PALLD: variants seen among roughly 807,000 people sequenced by gnomAD.
PALLD encodes the protein palladin.
A neutral mutation model predicts 123.5 loss-of-function variants in PALLD; 61 were observed. That is an observed-to-expected ratio of 0.49 (90% CI 0.40 to 0.61). The LOEUF (loss-of-function observed/expected upper bound fraction) is 0.61. PALLD is among the 20% of genes least tolerant of loss of function. The probability of loss-of-function intolerance (pLI) is 0.00; values close to 1 mark genes in which losing one functional copy is unlikely to be tolerated. For missense variants in PALLD, 1,273 were observed against 1,377.0 expected, an observed-to-expected ratio of 0.92 and a Z score of 1.20; for synonymous variants, 465 against 496.4, an observed-to-expected ratio of 0.94 and a Z score of 0.84.
chr4:168,865,268 CTCTT>C (rs1396194981), intron 10 of PALLD, among the ~76,000 whole-genome samples: 1 of 152,228 alleles, frequency 6.6e-6, no homozygotes, highest in Non-Finnish European at 1.5e-5. Context: ...GGTCACAAGT[CTCTT>C]AATTCATGCT....
At chr4:168,597,321 A>G (rs1772093399) in intron 2 of PALLD, among the ~76,000 whole-genome samples, 2 of 152,078 alleles carry the variant, frequency 1.3e-5, no homozygotes, top group Non-Finnish European at 2.9e-5. Context: ...AAATTCAGGG[A>G]TGGATCCACA....
chr4:168,884,901 A>G lies in PALLD; in HGVS notation c.1965-6021A>G, dbSNP rs547613081. ...GCGCTGTTCTAAGTGTTTAGTACAC[A>G]TTAGTTCATGTAGTTTACCCAGTGA... On this transcript the variant is annotated intron_variant, in intron 10 of 21. Coordinates refer to ENST00000505667, the MANE Select transcript of PALLD (RefSeq NM_001166108.2). 6.0e-4 allele frequency among the ~76,000 whole-genome samples: 92 copies of G among 152,340 alleles called. 2 individuals carry two copies. The South Asian group carries it at 0.018, about 30-fold the overall frequency.
chr4:168,829,246 AC>A (rs1743854134), intron 10 of PALLD: 2 of 152,262 alleles, frequency 1.3e-5, no homozygotes, highest in East Asian at 3.9e-4. Flanking sequence ...AAACTGGTCC[AC>A]GTGTACGCAT....
At chr4:168,640,941 G>A (rs946160338) in intron 2 of PALLD, among the ~76,000 whole-genome samples, 5 of 152,164 alleles carry the variant, frequency 3.3e-5, no homozygotes, top group African/African-American at 1.2e-4. Flanking sequence ...GGGCACGGTG[G>A]CCTACGCCTG....
intron 5 of PALLD, among the ~76,000 whole-genome samples, chr4:168,684,993 G>A (rs1178265909): frequency 3.9e-5 from 6 of 151,906 alleles, no homozygotes; most frequent in East Asian, 1.9e-4. Context: ...TTTTTTGCAC[G>A]TCAATAAAAA....
chr4:168,787,607 A>C (rs980075690), intron 10 of PALLD, among the ~76,000 whole-genome samples: 2 of 152,238 alleles, frequency 1.3e-5, no homozygotes, highest in Admixed American at 1.3e-4. Flanking sequence ...TGAACAGTAG[A>C]GATATAGGAC....
At chr4:168,812,487 G>A (rs1307478127) in intron 10 of PALLD, among the ~76,000 whole-genome samples, 1 of 152,190 alleles carries the variant, frequency 6.6e-6, no homozygotes, top group African/African-American at 2.4e-5. Flanking sequence ...ATGGAACAGG[G>A]AGTTGGGCAG....
At chr4:168,753,738 C>T (rs546583344) in intron 10 of PALLD, among the ~76,000 whole-genome samples, 1 of 152,184 alleles carries the variant, frequency 6.6e-6, no homozygotes, top group Admixed American at 6.5e-5. Flanking sequence ...TGACGACCAG[C>T]ACCAACTTGC....
At chr4:168,594,228 A>G (rs150964257) in intron 2 of PALLD, among the ~76,000 whole-genome samples, 1 of 152,324 alleles carries the variant, frequency 6.6e-6, no homozygotes, top group East Asian at 1.9e-4. Flanking sequence ...TAGTGTAAGT[A>G]GAAGTGAAAA....
intron 10 of PALLD, among the ~76,000 whole-genome samples, chr4:168,765,420 G>C (rs1343880455): frequency 6.6e-6 from 1 of 152,152 alleles, no homozygotes; most frequent in Non-Finnish European, 1.5e-5. Flanking sequence ...GAATGTACTG[G>C]AAATTCCATC....
intron 2 of PALLD, among the ~76,000 whole-genome samples, chr4:168,574,224 T>C (rs970777999): frequency 1.3e-5 from 2 of 152,094 alleles, no homozygotes; most frequent in Non-Finnish European, 2.9e-5. Flanking sequence ...ACTTCTTACT[T>C]TCAGTGGGTA....
At chr4:168,633,034 G>A (rs894149800) in intron 2 of PALLD, among the ~76,000 whole-genome samples, 4 of 152,212 alleles carry the variant, frequency 2.6e-5, no homozygotes, top group African/African-American at 4.8e-5. Context: ...TGATGATTAA[G>A]AAAATCATCA....
intron 10 of PALLD, among the ~76,000 whole-genome samples, chr4:168,785,474 T>C (rs1042184306): frequency 5.9e-5 from 9 of 152,306 alleles, no homozygotes; most frequent in Admixed American, 5.9e-4. Flanking sequence ...TCAAAGACTT[T>C]CAGAGTTAAA....
At chr4:168,640,999 G>T (rs1279467604) in intron 2 of PALLD, among the ~76,000 whole-genome samples, 1 of 152,138 alleles carries the variant, frequency 6.6e-6, no homozygotes, top group Non-Finnish European at 1.5e-5. Flanking sequence ...ATGAGGTCAG[G>T]AGATCGAGAC....
At chr4:168,570,443 C>T (rs952454139) in intron 2 of PALLD, among the ~76,000 whole-genome samples, 1 of 152,242 alleles carries the variant, frequency 6.6e-6, no homozygotes, top group East Asian at 1.9e-4. Context: ...TTAGACACGC[C>T]TTCAGGATTT....
At chr4:168,770,139 A>G (rs570317422) in intron 10 of PALLD, among the ~76,000 whole-genome samples, 45 of 152,338 alleles carry the variant, frequency 3.0e-4, no homozygotes, top group African/African-American at 1.0e-3. Flanking sequence ...CAAACCAATT[A>G]TAATGATTTC....
chr4:168,757,292 A>T (rs1732021910), intron 10 of PALLD, among the ~76,000 whole-genome samples: 1 of 152,212 alleles, frequency 6.6e-6, no homozygotes, highest in East Asian at 1.9e-4. Context: ...CTAAATCCCA[A>T]TGTATTACAT....
At chr4:168,809,394 T>C (rs1252632167) in intron 10 of PALLD, among the ~76,000 whole-genome samples, 2 of 151,540 alleles carry the variant, frequency 1.3e-5, no homozygotes, top group Non-Finnish European at 2.9e-5. Flanking sequence ...TGGAGGGCAA[T>C]GGTTGGAAAG....
At chr4:168,580,239 GGTGTGTGTGTGTGT>G (rs59142111) in intron 2 of PALLD, among the ~76,000 whole-genome samples, 12 of 147,484 alleles carry the variant, frequency 8.1e-5, no homozygotes, top group Middle Eastern at 3.5e-3. Flanking sequence ...ATTTCACTGT[GGTGTGTGTGTGTGT>G]GTGTGTGTGT....
Sources: gnomAD v4.1 joint callset for allele counts (sites outside exome capture counted in the v4.1 genomes callset) on GRCh38, gnomAD v4.1.1 for gene constraint, MANE v1.5 for transcripts, NCBI Gene and HGNC (gene_info 2026-07-23, HGNC 2026-07-21) for gene names.